Variants in PDXDC1 observed in about 807,000 individuals in gnomAD.
PDXDC1 encodes the protein pyridoxal-dependent decarboxylase domain-containing protein 1.
In PDXDC1, 42 loss-of-function variants were observed where a neutral mutation model predicts 100.1. The observed-to-expected ratio is 0.42, with a 90% CI of 0.33 to 0.54. The LOEUF (loss-of-function observed/expected upper bound fraction) is 0.54, where lower values mean the gene tolerates loss of function less well. Among genes scored for constraint, PDXDC1 ranks in the 20% least tolerant of loss-of-function variants. The pLI, the probability that PDXDC1 is intolerant of heterozygous loss-of-function variation, is 0.10. For missense variants in PDXDC1, 636 were observed against 979.2 expected, an observed-to-expected ratio of 0.65 and a Z score of 4.68; for synonymous variants, 260 against 371.7, an observed-to-expected ratio of 0.70 and a Z score of 3.46.
chr16:15,077,387 C>A (rs539609956), intron 16 of PDXDC1, among the ~76,000 whole-genome samples: 1 of 152,042 alleles, frequency 6.6e-6, no homozygotes, highest in African/African-American at 2.4e-5. Context: ...ATACTGTTCT[C>A]GTGATAGTGA....
At chr16:14,981,398 C>T (rs1433915324) in intron 1 of PDXDC1, among the ~76,000 whole-genome samples, 1 of 152,296 alleles carries the variant, frequency 6.6e-6, no homozygotes, top group Non-Finnish European at 1.5e-5. Flanking sequence ...ACAAACAGTG[C>T]CTGCTGTCTA....
intron 16 of PDXDC1, chr16:15,055,798 A>C (rs2044487366): frequency 3.0e-6 from 2 of 669,238 alleles, no homozygotes; most frequent in African/African-American, 1.9e-5. Flanking sequence ...AACAGCGCCA[A>C]GTTTCAAGTC....
chr16:15,144,889 T>G, the PDXDC1 span, among the ~76,000 whole-genome samples: 1 of 152,156 alleles, frequency 6.6e-6, no homozygotes, highest in African/African-American at 2.4e-5. Context: ...GTATGCCACC[T>G]GCCGCTGGGG....
chr16:15,104,230 A>C (rs944430727), intron 16 of PDXDC1: 2 of 1,206,902 alleles, frequency 1.7e-6, no homozygotes, highest in Non-Finnish European at 2.2e-6. Context: ...AGATTAAAAA[A>C]ACCCCTACGA....
chr16:15,046,812 C>A (rs148103159), intron 16 of PDXDC1, among the ~76,000 whole-genome samples: 64 of 151,682 alleles, frequency 4.2e-4, no homozygotes, highest in African/African-American at 1.4e-3. Flanking sequence ...AAAGTCAAGG[C>A]TGCAGTAAGC....
At chr16:15,080,723 G>T (rs530397952) in intron 16 of PDXDC1, among the ~76,000 whole-genome samples, 1 of 152,232 alleles carries the variant, frequency 6.6e-6, no homozygotes, top group South Asian at 2.1e-4. Flanking sequence ...CGCCCAGCCA[G>T]CAATTTTGTA....
Position 15,051,059 on chromosome 16 carries a change from CAG to C in PDXDC1, c.1399+21004_1399+21005del, listed in dbSNP as rs551621113. Among the ~76,000 whole-genome samples the C allele has an allele frequency of 1.8e-4, 28 of 152,326 alleles. 1 individual carries two copies. The highest frequency in any genetic ancestry group is 1.7e-3 in the South Asian group (8 of 4,830). ...CTTGCCTCATCTTAGTTCAGAATAA[CAG>C]GGGAGAATTCAGAATTCCCTCTTGA... On this transcript the variant is annotated intron_variant, in intron 16 of 16. Transcript: ENST00000535621.
chr16:15,127,726 T>C (rs746880806), intron 16 of PDXDC1: 6 of 1,516,456 alleles, frequency 4.0e-6, no homozygotes, highest in East Asian at 2.5e-5. Context: ...CCACACGGCG[T>C]TGGCGCCCAG....
chr16:15,135,672 A>G, intron 16 of PDXDC1: 1 of 1,596,204 alleles, frequency 6.3e-7, no homozygotes, highest in Non-Finnish European at 8.6e-7. Context: ...ACACAGGCCC[A>G]CTGGAAACTG....
intron 16 of PDXDC1, chr16:15,127,943 C>A (rs771702010): frequency 1.3e-5 from 19 of 1,468,030 alleles, no homozygotes; most frequent in Non-Finnish European, 1.7e-5. Context: ...CGGGGCAGGA[C>A]CACCCTGCCC....
At chr16:15,146,541 C>A in the PDXDC1 span, among the ~76,000 whole-genome samples, 2 of 152,140 alleles carry the variant, frequency 1.3e-5, no homozygotes, top group Non-Finnish European at 2.9e-5. Context: ...GAGGTAGGCA[C>A]AAGCAGGAGT....
At chr16:15,011,124 A>C (rs1372154620) in intron 8 of PDXDC1, among the ~76,000 whole-genome samples, 1 of 152,302 alleles carries the variant, frequency 6.6e-6, no homozygotes, top group African/African-American at 2.4e-5. Context: ...GGAACAGCCC[A>C]AGGGATTTTG....
At chr16:15,056,014 C>G (rs1365074415) in intron 16 of PDXDC1, 4 of 1,072,382 alleles carry the variant, frequency 3.7e-6, no homozygotes, top group Non-Finnish European at 4.7e-6. Flanking sequence ...GGCGGCGGCC[C>G]CCCGCTTTGC....
intron 16 of PDXDC1, chr16:15,048,031 C>T (rs1402220653): frequency 1.9e-6 from 3 of 1,613,406 alleles, no homozygotes; most frequent in South Asian, 1.1e-5. Flanking sequence ...GCTCTCTTTG[C>T]TGAACATACA....
intron 16 of PDXDC1, chr16:15,128,340 G>A (rs1257371642): frequency 1.3e-5 from 21 of 1,606,838 alleles, no homozygotes; most frequent in African/African-American, 4.0e-5. Context: ...GCCGGTGGCC[G>A]CTCCGGCTGT....
intron 1 of PDXDC1, among the ~76,000 whole-genome samples, chr16:14,984,476 C>CATATATATATATATATATATATATAT (rs749990542): frequency 1.1e-5 from 1 of 92,692 alleles, no homozygotes; most frequent in Non-Finnish European, 2.0e-5. Flanking sequence ...TGTGTGTATA[C>CATATATATATATATATATATATATAT]ATATATATAT....
chr16:15,089,250 C>T (rs1170760078), intron 16 of PDXDC1, among the ~76,000 whole-genome samples: 1 of 152,030 alleles, frequency 6.6e-6, no homozygotes. Context: ...AAGATCATCC[C>T]ACTACACTAC....
chr16:15,005,304 C>CAA (rs74858191), intron 5 of PDXDC1, among the ~76,000 whole-genome samples: 12 of 54,706 alleles, frequency 2.2e-4, no homozygotes, highest in East Asian at 1.5e-3. Context: ...GACTCTGTCT[C>CAA]AAAAAAAAAA....
At chr16:15,065,918 G>A (rs1344348472) in intron 16 of PDXDC1, among the ~76,000 whole-genome samples, 2 of 152,212 alleles carry the variant, frequency 1.3e-5, no homozygotes, top group African/African-American at 2.4e-5. Flanking sequence ...GAAAGGACTA[G>A]GCATGCCGAG....
Sources: allele counts gnomAD v4.1 joint callset (sites outside exome capture counted in the v4.1 genomes callset), GRCh38; gene constraint gnomAD v4.1.1; transcripts MANE v1.5; gene names NCBI Gene and HGNC (gene_info 2026-07-23, HGNC 2026-07-21).